Variants in CSMD1 observed in about 807,000 individuals in gnomAD.
CSMD1 encodes CUB and Sushi multiple domains 1, also known as CUB and sushi domain-containing protein 1.
A neutral mutation model predicts 417.5 loss-of-function variants in CSMD1; 213 were observed. That is an observed-to-expected ratio of 0.51 (90% CI 0.46 to 0.57). The LOEUF (loss-of-function observed/expected upper bound fraction) is 0.57, where lower values mean the gene tolerates loss of function less well. Among genes scored for constraint, CSMD1 ranks in the 20% least tolerant of loss-of-function variants. The pLI, the probability that CSMD1 is intolerant of heterozygous loss-of-function variation, is 0.00. For missense variants in CSMD1, 6,923 were observed against 4,529.7 expected, an observed-to-expected ratio of 1.53 and a Z score of -15.17; for synonymous variants, 2,862 against 1,736.8, an observed-to-expected ratio of 1.65 and a Z score of -16.11.
At chr8:4,286,173 G>T (rs1320027386) in intron 3 of CSMD1, among the ~76,000 whole-genome samples, 1 of 151,916 alleles carries the variant, frequency 6.6e-6, no homozygotes, top group African/African-American at 2.4e-5. Flanking sequence ...CAAAAGTCAA[G>T]AGGAGCTCCA....
chr8:3,175,426 T>C (rs1288513440), intron 37 of CSMD1, among the ~76,000 whole-genome samples: 1 of 151,778 alleles, frequency 6.6e-6, no homozygotes, highest in Non-Finnish European at 1.5e-5. Flanking sequence ...CTTTCCTTTC[T>C]TTCATCCCTC....
chr8:4,441,095 G>GTTTTTGTTTTTTTTTT (rs1798444278), intron 2 of CSMD1, among the ~76,000 whole-genome samples: 1 of 51,296 alleles, frequency 1.9e-5, no homozygotes, highest in African/African-American at 6.7e-5. Context: ...TAATCAAAAG[G>GTTTTTGTTTTTTTTTT]TTTTTTTTTT....
At chr8:4,529,454 T>C (rs1310838402) in intron 2 of CSMD1, among the ~76,000 whole-genome samples, 2 of 152,254 alleles carry the variant, frequency 1.3e-5, no homozygotes, top group African/African-American at 4.8e-5. Flanking sequence ...TTATTTCTTA[T>C]AAATATGCAA....
intron 3 of CSMD1, among the ~76,000 whole-genome samples, chr8:4,278,577 G>T (rs1381989453): frequency 6.6e-6 from 1 of 152,152 alleles, no homozygotes; most frequent in Non-Finnish European, 1.5e-5. Context: ...GATAACATAT[G>T]CCTATTTTTA....
At chr8:4,083,331 A>C (rs1411397932) in intron 3 of CSMD1, among the ~76,000 whole-genome samples, 1 of 152,228 alleles carries the variant, frequency 6.6e-6, no homozygotes, top group East Asian at 1.9e-4. Context: ...ATGGTATCTC[A>C]TTGAGGTTTT....
At chr8:4,457,991 C>G (rs1485455309) in intron 2 of CSMD1, among the ~76,000 whole-genome samples, 3 of 152,194 alleles carry the variant, frequency 2.0e-5, no homozygotes, top group Non-Finnish European at 4.4e-5. Flanking sequence ...GGCACTTCCC[C>G]TGAGAGGTAG....
At chr8:3,134,328 G>C (rs906765014) in intron 41 of CSMD1, among the ~76,000 whole-genome samples, 1 of 152,234 alleles carries the variant, frequency 6.6e-6, no homozygotes. Context: ...ATCTGCAAGA[G>C]GCAATGCAGC....
At chr8:4,965,290 T>A (rs62489444) in intron 1 of CSMD1, among the ~76,000 whole-genome samples, 2 of 152,162 alleles carry the variant, frequency 1.3e-5, no homozygotes, top group African/African-American at 4.8e-5. Flanking sequence ...GTACTTATTG[T>A]GTATCAGGCA....
At chr8:3,159,491 T>C (rs1585513024) in intron 38 of CSMD1, among the ~76,000 whole-genome samples, 1 of 152,356 alleles carries the variant, frequency 6.6e-6, no homozygotes, top group East Asian at 1.9e-4. Context: ...ACTAGGCATA[T>C]GTATTTATAG....
chr8:3,298,177 G>C (rs771372358), intron 25 of CSMD1, among the ~76,000 whole-genome samples: 1 of 152,144 alleles, frequency 6.6e-6, no homozygotes, highest in East Asian at 1.9e-4. Context: ...AAAACTGATA[G>C]CACCTAATAC....
chr8:4,450,685 C>G lies in CSMD1; in HGVS notation c.303-30620G>C, dbSNP rs906118810. 1.3e-5 allele frequency among the ~76,000 whole-genome samples: 2 copies of G among 152,106 alleles called. 1 individual carries two copies. The highest frequency in any genetic ancestry group is 4.8e-5 in the African/African-American group (2 of 41,424). Reference sequence around the variant, plus strand: ...AGTATCCACTGTCTTGCACTGTATCCAATGTATAACACATCACAGAGTTTT... The same window carrying G: ...AGTATCCACTGTCTTGCACTGTATCGAATGTATAACACATCACAGAGTTTT... On this transcript the variant is annotated intron_variant, in intron 2 of 69. Coordinates refer to ENST00000635120, the MANE Select transcript of CSMD1 (RefSeq NM_033225.6).
intron 7 of CSMD1, among the ~76,000 whole-genome samples, chr8:3,652,741 G>T (rs1030672849): frequency 6.6e-6 from 1 of 152,134 alleles, no homozygotes; most frequent in Non-Finnish European, 1.5e-5. Context: ...AACAAGTGGG[G>T]ATTATTACAG....
intron 3 of CSMD1, among the ~76,000 whole-genome samples, chr8:4,181,228 C>T (rs1504777): frequency 0.98 from 149,653 of 152,292 alleles, 73,582 homozygotes; most frequent in Middle Eastern, 1. Flanking sequence ...AAATTTGGTA[C>T]TTATTATCTA....
chr8:4,049,910 G>C (rs13263899), intron 3 of CSMD1, among the ~76,000 whole-genome samples: 11,971 of 48,354 alleles, frequency 0.25, 637 homozygotes, highest in East Asian at 0.35. Context: ...TTCTGTTTCA[G>C]GAATCCATTC....
At chr8:3,363,065 T>C (rs950007413) in intron 20 of CSMD1, among the ~76,000 whole-genome samples, 1 of 152,200 alleles carries the variant, frequency 6.6e-6, no homozygotes, top group African/African-American at 2.4e-5. Flanking sequence ...TCCCCTCGGT[T>C]TCAGGGGTCT....
At chr8:4,302,496 G>C (rs1192345468) in intron 3 of CSMD1, among the ~76,000 whole-genome samples, 2 of 152,144 alleles carry the variant, frequency 1.3e-5, no homozygotes, top group African/African-American at 4.8e-5. Flanking sequence ...TAAGCTACTT[G>C]ACCACAGTAG....
intron 3 of CSMD1, among the ~76,000 whole-genome samples, chr8:4,280,067 C>G (rs1490359403): frequency 2.6e-5 from 4 of 152,250 alleles, no homozygotes; most frequent in Non-Finnish European, 4.4e-5. Flanking sequence ...TGAGCGTTAA[C>G]TAACGCGTTG....
chr8:3,601,436 C>G (rs1425591567), intron 8 of CSMD1, among the ~76,000 whole-genome samples: 1 of 152,166 alleles, frequency 6.6e-6, no homozygotes, highest in Non-Finnish European at 1.5e-5. Context: ...GAAAAGCAAG[C>G]CCATCTGTAT....
At chr8:3,568,861 G>C (rs1799828549) in intron 10 of CSMD1, among the ~76,000 whole-genome samples, 1 of 152,034 alleles carries the variant, frequency 6.6e-6, no homozygotes, top group African/African-American at 2.4e-5. Context: ...TTATTCAGTA[G>C]AAGGTAGGTC....
Sources: gnomAD v4.1 joint callset for allele counts (sites outside exome capture counted in the v4.1 genomes callset) on GRCh38, gnomAD v4.1.1 for gene constraint, MANE v1.5 for transcripts, NCBI Gene and HGNC (gene_info 2026-07-23, HGNC 2026-07-21) for gene names.